The following ANKS3 variants were observed in gnomAD, a reference collection of about 807,000 sequenced individuals.
ANKS3 encodes the protein ankyrin repeat and SAM domain-containing protein 3.
A neutral mutation model predicts 80.7 loss-of-function variants in ANKS3; 62 were observed. That is an observed-to-expected ratio of 0.77 (90% CI 0.63 to 0.95). The LOEUF (loss-of-function observed/expected upper bound fraction) is 0.95, where lower values mean the gene tolerates loss of function less well. ANKS3 is among the 40% of genes least tolerant of loss of function. ANKS3 has a pLI of 0.00. For missense variants in ANKS3, 1,150 were observed against 883.6 expected, an observed-to-expected ratio of 1.30 and a Z score of -3.82; for synonymous variants, 489 against 355.3, an observed-to-expected ratio of 1.38 and a Z score of -4.23.
At chr16:4,732,209 C>A (rs1033467502) in intron 1 of ANKS3, among the ~76,000 whole-genome samples, 1 of 152,126 alleles carries the variant, frequency 6.6e-6, no homozygotes, top group Non-Finnish European at 1.5e-5. Flanking sequence ...TCGTGCAGTG[C>A]CCTTCCCTCA....
chr16:4,718,226 T>A (rs1426296400), intron 6 of ANKS3, among the ~76,000 whole-genome samples: 9 of 152,094 alleles, frequency 5.9e-5, no homozygotes, highest in Non-Finnish European at 1.5e-5. Context: ...GATGTGAAAA[T>A]AAATTTTTAA....
intron 3 of ANKS3, chr16:4,727,587 A>C (rs1448167894): frequency 3.7e-6 from 1 of 268,018 alleles, no homozygotes; most frequent in African/African-American, 2.2e-5. Flanking sequence ...CCCCACAGCA[A>C]AGAATGATCC....
chr16:4,726,826 G>C, intron 4 of ANKS3, 46 bp from the exon 5 acceptor site: 3 of 1,603,196 alleles, frequency 1.9e-6, no homozygotes, highest in Non-Finnish European at 2.6e-6. Context: ...TCTCCTCTGC[G>C]TGGGGCGGGC....
chr16:4,730,873 A>C (rs1003347273), intron 2 of ANKS3, among the ~76,000 whole-genome samples: 17 of 152,204 alleles, frequency 1.1e-4, no homozygotes, highest in African/African-American at 3.6e-4. Context: ...CAAAAAAAAA[A>C]AACAACAAAA....
rs771440887 is a variant in ANKS3 at position 4,705,271 on chromosome 16, G to A, written c.710-18C>T. ...GTACTTTTCTGTGATCAAACACCAA[G>A]ATTAAGATAGTGTGTTCAGTAATGG... is the stretch of plus-strand genomic sequence containing the variant. On this transcript the variant is annotated intron_variant, in intron 7 of 17. Coordinates refer to ENST00000304283, the MANE Select transcript of ANKS3 (RefSeq NM_133450.4). 5.6e-6 allele frequency: 9 copies of A among 1,612,966 alleles called. No homozygotes were observed. In the Admixed American group the frequency reaches 1.5e-4, roughly 27 times the overall value.
intron 6 of ANKS3, among the ~76,000 whole-genome samples, chr16:4,717,007 G>A (rs2142102336): frequency 6.6e-6 from 1 of 152,166 alleles, no homozygotes; most frequent in Non-Finnish European, 1.5e-5. Flanking sequence ...CGAGACGGGT[G>A]GATCACCTGA....
rs192102366 is a variant in ANKS3 at position 4,700,193 on chromosome 16, G to A, written c.1284+777C>T. ...AGCACTTTGGGAGGTCGAGGCGGGC[G>A]GATCACGATGTCAGGAATTTGAGAC... On this transcript the variant is annotated intron_variant, in intron 11 of 17. Transcript: ENST00000304283. 2.5e-3 allele frequency: 382 copies of A among 152,972 alleles called. 5 individuals are homozygous for A. Among genetic ancestry groups the A allele is most frequent in the Admixed American group, 3.8e-3 (59 of 15,366 alleles). The allele number at this position is 152,972 out of a possible 1,614,324, so 9.5% of individuals were successfully genotyped here. A position where few individuals can be genotyped will look rare whatever the true frequency, so the allele number is the denominator to read the frequency against.
chr16:4,715,002 A>G (rs1596400188), intron 6 of ANKS3, among the ~76,000 whole-genome samples: 2 of 150,894 alleles, frequency 1.3e-5, no homozygotes. Context: ...AAAAAAAAAA[A>G]AAAAAAAAAA....
At chr16:4,713,511 A>T (rs1373799737) in intron 7 of ANKS3, among the ~76,000 whole-genome samples, 1 of 152,180 alleles carries the variant, frequency 6.6e-6, no homozygotes, top group East Asian at 1.9e-4. Flanking sequence ...AGATGATCAA[A>T]CACTTAGGAA....
At chr16:4,711,886 GT>G (rs2080509877) in intron 7 of ANKS3, among the ~76,000 whole-genome samples, 1 of 152,108 alleles carries the variant, frequency 6.6e-6, no homozygotes, top group Non-Finnish European at 1.5e-5. Context: ...TAGAAAAACT[GT>G]TATCGAGGAA....
Position 4,702,125 on chromosome 16 carries a change from C to T in ANKS3, c.986G>A (p.Ser329Asn), listed in dbSNP as rs759773161. Residue 329 changes from serine to asparagine, a missense_variant, in exon 9 of 18, where the codon AGC becomes AAC. Ser to Asn is a conservative substitution (Grantham distance 46, BLOSUM62 1). Coordinates refer to ENST00000304283, the MANE Select transcript of ANKS3 (RefSeq NM_133450.4). ...ACCCCGACTGCTGCTGCTGCTGCTGCTCTCCACATCCCGCTCATTGATGGG... is the reference window on the plus strand; with the variant it reads ...ACCCCGACTGCTGCTGCTGCTGCTGTTCTCCACATCCCGCTCATTGATGGG... ...TSPINERDVE[S>N]SSSSSSREEH... 1.9e-6 allele frequency: 3 copies of T among 1,596,596 alleles called. No individual in the cohort carries two copies. The South Asian group carries it at 3.3e-5, about 18-fold the overall frequency.
intron 16 of ANKS3, 108 bp downstream of exon 16, chr16:4,697,225 G>A (rs1596336545): frequency 1.3e-6 from 2 of 1,549,516 alleles, no homozygotes; most frequent in African/African-American, 1.4e-5. Context: ...CAGCCCCGAG[G>A]TCAGCCTTGG....
At chr16:4,729,667 TTC>T (rs1304844110) in intron 3 of ANKS3, 1 of 180,490 alleles carries the variant, frequency 5.5e-6, no homozygotes, top group Non-Finnish European at 1.1e-5. Context: ...GGCCATCACT[TTC>T]TGTCTTTATT....
intron 3 of ANKS3, 41 bp downstream of exon 3, chr16:4,729,939 G>T: frequency 4.9e-6 from 7 of 1,439,990 alleles, no homozygotes; most frequent in Non-Finnish European, 6.5e-6. Flanking sequence ...CCATCACTGC[G>T]CTGCTCAAAA....
At position 4,733,954 on chromosome 16, in the gene ANKS3, G is replaced by T. The variant is rs2081809988; in HGVS notation, c.-87C>A. The T allele has an allele frequency of 4.1e-6, 4 of 985,376 alleles. No homozygotes were observed. Among genetic ancestry groups the T allele is most frequent in the Non-Finnish European group, 1.2e-6 (1 of 829,992 alleles). The allele number at this position is 985,376 out of a possible 1,614,324, so 61.0% of individuals were successfully genotyped here. A position where few individuals can be genotyped will look rare whatever the true frequency, so the allele number is the denominator to read the frequency against. On this transcript the variant is annotated 5_prime_UTR_variant, in exon 1 of 18. The change creates a premature stop within an existing upstream ORF in the 5' untranslated region. Coordinates refer to ENST00000304283, the MANE Select transcript of ANKS3 (RefSeq NM_133450.4). ...GTAACTCACAGCAGTGACGCTTCCC[G>T]ACGCCCCCCGGCCACATCCCCACAG...
rs975975128 is a variant in ANKS3 at position 4,729,100 on chromosome 16, C to G, written c.170+880G>C. On this transcript the variant is annotated intron_variant, in intron 3 of 17. Transcript: ENST00000304283. ...ACATAAGGGGGTGGAAGTGAGGAGA[C>G]GACCCTTTTCCAAAAACAAGATGAT... 2.0e-5 allele frequency among the ~76,000 whole-genome samples: 3 copies of G among 152,174 alleles called. 1 individual carries two copies. Among genetic ancestry groups the G allele is most frequent in the South Asian group, 4.1e-4 (2 of 4,832 alleles).
intron 6 of ANKS3, among the ~76,000 whole-genome samples, chr16:4,720,506 C>T (rs1297316780): frequency 6.7e-6 from 1 of 150,170 alleles, no homozygotes; most frequent in East Asian, 2.0e-4. Context: ...GGGGTGTGAA[C>T]CAGGACCACT....
At position 4,698,914 on chromosome 16, in the gene ANKS3, C is replaced by T. The variant is rs752407773; in HGVS notation, c.1437G>A (p.Thr479=). The part of the protein sequence containing the change: ...ITLFGPKRKM[T]SAIARWHSSA... The stretch of plus-strand genomic sequence containing the variant: ...TGCTGTGCCAGCGGGCAATGGCGGA[C>T]GTCATCTTCCTCTTGGGCCCAAACA... Residue 479 remains threonine (T), a synonymous_variant, in exon 13 of 18, where the codon ACG becomes ACA. Transcript: ENST00000304283. The T allele has an allele frequency of 1.6e-5, 26 of 1,598,478 alleles. No individual in the cohort carries two copies. The highest frequency in any genetic ancestry group is 4.0e-5 in the African/African-American group (3 of 74,734).
intron 3 of ANKS3, among the ~76,000 whole-genome samples, chr16:4,728,562 C>A (rs1326136717): frequency 6.6e-6 from 1 of 152,108 alleles, no homozygotes; most frequent in Non-Finnish European, 1.5e-5. Flanking sequence ...AACAGCAGAG[C>A]ATCTCCCTGG....
Sources: allele counts gnomAD v4.1 joint callset (sites outside exome capture counted in the v4.1 genomes callset), GRCh38; gene constraint gnomAD v4.1.1; transcripts MANE v1.5; gene names NCBI Gene and HGNC (gene_info 2026-07-23, HGNC 2026-07-21).